Variants in SLC7A14 observed in about 807,000 individuals in gnomAD.
SLC7A14 encodes the protein gamma-aminobutyric acid transporter SLC7A14.
Under a neutral mutation model 60.2 loss-of-function variants are expected in SLC7A14, and 37 were observed. The ratio of observed to expected loss-of-function variants is 0.61; its 90% CI spans 0.47 to 0.81. The LOEUF is 0.81. Among genes scored for constraint, SLC7A14 ranks in the 30% least tolerant of loss-of-function variants. SLC7A14 has a pLI of 0.00. For missense variants in SLC7A14, 886 were observed against 982.7 expected (o/e 0.90, Z 1.32); for synonymous variants, 399 against 395.8 (o/e 1.01, Z -0.10).
intron 1 of SLC7A14, among the ~76,000 whole-genome samples, chr3:170,560,120 A>G (rs910361423): frequency 6.6e-6 from 1 of 152,250 alleles, no homozygotes; most frequent in Non-Finnish European, 1.5e-5. Context: ...CAGGAGGTCT[A>G]TTGCTCAAGT....
chr3:170,538,245 CTT>C (rs1257059976), intron 1 of SLC7A14, among the ~76,000 whole-genome samples: 2 of 152,200 alleles, frequency 1.3e-5, no homozygotes, highest in Non-Finnish European at 2.9e-5. Flanking sequence ...GGATGACTGA[CTT>C]TGTGCTTCTG....
chr3:170,570,282 C>CA (rs926255102), intron 1 of SLC7A14: 5 of 151,628 alleles, frequency 3.3e-5, no homozygotes, highest in Admixed American at 6.6e-5. Flanking sequence ...CCTGTCTCTA[C>CA]AAAAAAAATA....
intron 1 of SLC7A14, among the ~76,000 whole-genome samples, chr3:170,552,136 C>G (rs1714370101): frequency 6.6e-6 from 1 of 152,062 alleles, no homozygotes; most frequent in South Asian, 2.1e-4. Flanking sequence ...ATGTGTGTAT[C>G]TAGTGGACTC....
intron 1 of SLC7A14, among the ~76,000 whole-genome samples, chr3:170,527,992 C>A (rs1212630808): frequency 6.6e-6 from 1 of 152,100 alleles, no homozygotes; most frequent in South Asian, 2.1e-4. Context: ...GTTGTTTGCC[C>A]TTTCAGAAAA....
intron 1 of SLC7A14, among the ~76,000 whole-genome samples, chr3:170,536,415 A>G (rs577376883): frequency 1.3e-5 from 2 of 152,356 alleles, no homozygotes; most frequent in South Asian, 4.1e-4. Context: ...TTTCTGGTTC[A>G]TATTTGATTA....
chr3:170,472,602 A>G (rs1182942418), intron 7 of SLC7A14, among the ~76,000 whole-genome samples: 1 of 151,788 alleles, frequency 6.6e-6, no homozygotes, highest in Non-Finnish European at 1.5e-5. Context: ...CGTCTCTACT[A>G]AAAAATACAA....
chr3:170,499,236 C>CAAAAAAAAAAAAAAA (rs11336080), intron 3 of SLC7A14, among the ~76,000 whole-genome samples: 14 of 59,914 alleles, frequency 2.3e-4, no homozygotes, highest in African/African-American at 1.3e-3. Context: ...GACTCTGTCT[C>CAAAAAAAAAAAAAAA]AAAAAAAAAA....
chr3:170,524,332 T>G (rs6805878), intron 2 of SLC7A14, among the ~76,000 whole-genome samples: 108,543 of 151,802 alleles, frequency 0.72, 38,942 homozygotes, highest in Middle Eastern at 0.79. Context: ...CATAACACAG[T>G]CTGGACCAAT....
At chr3:170,569,653 G>A (rs1714889194) in intron 1 of SLC7A14, among the ~76,000 whole-genome samples, 2 of 152,102 alleles carry the variant, frequency 1.3e-5, no homozygotes, top group Admixed American at 1.3e-4. Flanking sequence ...TCTCTTTTTG[G>A]TTGGTAAGCT....
chr3:170,583,225 C>A (rs1715285868), intron 1 of SLC7A14, among the ~76,000 whole-genome samples: 1 of 152,140 alleles, frequency 6.6e-6, no homozygotes, highest in Admixed American at 6.5e-5. Context: ...AAATGACACA[C>A]TACCATTCCC....
At chr3:170,477,834 T>G (rs1160298128) in intron 7 of SLC7A14, among the ~76,000 whole-genome samples, 4 of 152,250 alleles carry the variant, frequency 2.6e-5, no homozygotes, top group African/African-American at 9.6e-5. Flanking sequence ...GGCACCACAC[T>G]GTGGGTAGCA....
intron 1 of SLC7A14, among the ~76,000 whole-genome samples, chr3:170,576,853 T>C (rs1464305583): frequency 6.6e-6 from 1 of 152,206 alleles, no homozygotes; most frequent in East Asian, 1.9e-4. Flanking sequence ...TCTGTGACAA[T>C]ATAAAATACC....
At chr3:170,514,565 C>T (rs1713091310) in intron 2 of SLC7A14, among the ~76,000 whole-genome samples, 1 of 152,208 alleles carries the variant, frequency 6.6e-6, no homozygotes, top group African/African-American at 2.4e-5. Flanking sequence ...AGCCTATTAA[C>T]AATGTGTTTT....
rs144117574 is a variant in SLC7A14, at chr3:170,470,045, G to C, written c.1994-2668C>G. Among the ~76,000 whole-genome samples the C allele has an allele frequency of 2.2e-4, 33 of 152,262 alleles. No homozygotes were observed. The East Asian group carries it at 6.0e-3, about 28-fold the overall frequency. On this transcript the variant is annotated intron_variant, in intron 7 of 7. Coordinates refer to ENST00000231706, the MANE Select transcript of SLC7A14 (RefSeq NM_020949.3). Reference sequence around the variant, plus strand: ...GTCATAGATATTTAGAGCTGGAAAAGATGCTATAGATCACCTATGCATTCT... The same window carrying C: ...GTCATAGATATTTAGAGCTGGAAAACATGCTATAGATCACCTATGCATTCT...
chr3:170,521,975 C>A (rs1713354594), intron 2 of SLC7A14, among the ~76,000 whole-genome samples: 1 of 151,746 alleles, frequency 6.6e-6, no homozygotes. Flanking sequence ...GACACTTTAC[C>A]AAGGAGAGCA....
rs1210677268 is a variant in SLC7A14, at chr3:170,481,409, G to C, written c.1116-243C>G. 1.9e-4 allele frequency among the ~76,000 whole-genome samples: 11 copies of C among 57,064 alleles called. No individual in the cohort carries two copies. In the Admixed American group the frequency reaches 2.1e-3, roughly 11 times the overall value. 37.4% of individuals were successfully genotyped at this position (57,064 alleles called of 152,430 possible). ...GATTTCTTTTTTTTTTTTTTTTTTG[G>C]TGAGATGGTGTCTCACTCTGCTTAC... On this transcript the variant is annotated intron_variant, in intron 6 of 7. Transcript: ENST00000231706.
chr3:170,570,541 G>A (rs535200727), intron 1 of SLC7A14: 35 of 152,226 alleles, frequency 2.3e-4, no homozygotes, highest in African/African-American at 6.0e-4. Context: ...GGCTTGGTGC[G>A]GTTGGGATCC....
chr3:170,534,882 C>G (rs1713791348), intron 1 of SLC7A14, among the ~76,000 whole-genome samples: 1 of 152,188 alleles, frequency 6.6e-6, no homozygotes, highest in Admixed American at 6.5e-5. Context: ...TGTCAACACT[C>G]CAGAGTTGCG....
intron 7 of SLC7A14, among the ~76,000 whole-genome samples, chr3:170,469,716 A>T (rs1422179197): frequency 6.6e-6 from 1 of 152,114 alleles, no homozygotes; most frequent in African/African-American, 2.4e-5. Context: ...CTAGACACCC[A>T]GGCAGATGCC....
Sources: gnomAD v4.1 joint callset for allele counts (sites outside exome capture counted in the v4.1 genomes callset) on GRCh38, gnomAD v4.1.1 for gene constraint, MANE v1.5 for transcripts, NCBI Gene and HGNC (gene_info 2026-07-23, HGNC 2026-07-21) for gene names.